THSD7A: variants seen among roughly 807,000 people sequenced by gnomAD.
THSD7A encodes thrombospondin type-1 domain-containing protein 7A.
THSD7A carries 96 observed loss-of-function variants against 231.3 expected under a neutral mutation model. The observed-to-expected ratio is 0.41, with a 90% CI of 0.35 to 0.49. The LOEUF is 0.49. Among genes scored for constraint, THSD7A ranks in the 20% least tolerant of loss-of-function variants. The pLI is 0.05. For synonymous variants in THSD7A, 940 were observed against 743.3 expected (o/e 1.26, Z -4.30); for missense variants, 2,290 against 2,070.2 (o/e 1.11, Z -2.06).
At chr7:11,543,636 C>T (rs1236853844) in intron 4 of THSD7A, among the ~76,000 whole-genome samples, 1 of 152,166 alleles carries the variant, frequency 6.6e-6, no homozygotes, top group Non-Finnish European at 1.5e-5. Context: ...GGGGGCTACT[C>T]TCTGTACCCC....
chr7:11,728,562 G>C (rs1027602204), intron 1 of THSD7A, among the ~76,000 whole-genome samples: 2 of 151,856 alleles, frequency 1.3e-5, no homozygotes, highest in African/African-American at 4.8e-5. Flanking sequence ...TTATGGGGTA[G>C]AAGACAATGA....
At chr7:11,625,378 G>A (rs1781443115) in intron 2 of THSD7A, among the ~76,000 whole-genome samples, 1 of 152,020 alleles carries the variant, frequency 6.6e-6, no homozygotes. Flanking sequence ...ATTAAGCACA[G>A]CAGTATTTTG....
chr7:11,636,027 T>C lies in THSD7A; in HGVS notation c.1022+103A>G, dbSNP rs1781828066. The C allele has an allele frequency of 9.1e-7, 1 of 1,103,248 alleles. No homozygotes were observed. Among genetic ancestry groups the C allele is most frequent in the East Asian group, 2.4e-5 (1 of 41,436 alleles). 68.3% of individuals were successfully genotyped at this position (1,103,248 alleles called of 1,614,324 possible). A position where few individuals can be genotyped will look rare whatever the true frequency, so the allele number is the denominator to read the frequency against. ...TTTGGGGGTAGCTCATCCTAGGTTGTGCCCCTACGTAATCCAGAAGTTATT... is the reference window on the plus strand; with the variant it reads ...TTTGGGGGTAGCTCATCCTAGGTTGCGCCCCTACGTAATCCAGAAGTTATT... On this transcript the variant is annotated intron_variant, in intron 2 of 27. Transcript: ENST00000423059. This position sits in a 1 kb window ranked among gnomAD's most constrained non-coding sequence, Gnocchi z 10.0.
chr7:11,578,187 C>G (rs1791003104), intron 4 of THSD7A, among the ~76,000 whole-genome samples: 1 of 152,090 alleles, frequency 6.6e-6, no homozygotes, highest in Admixed American at 6.5e-5. Context: ...AAAAAATTCC[C>G]TTTTCTCAAT....
intron 1 of THSD7A, among the ~76,000 whole-genome samples, chr7:11,698,379 T>A (rs1780467070): frequency 6.6e-6 from 1 of 151,358 alleles, no homozygotes; most frequent in Admixed American, 6.6e-5. Context: ...ATACGGTATT[T>A]CATTTCAGCT....
intron 11 of THSD7A, among the ~76,000 whole-genome samples, chr7:11,456,945 T>G (rs1269054008): frequency 6.6e-6 from 1 of 152,092 alleles, no homozygotes; most frequent in African/African-American, 2.4e-5. Context: ...CATGATATTA[T>G]TCAAGTGGGA....
intron 25 of THSD7A, 71 bp from the exon 26 acceptor site, chr7:11,379,351 A>C (rs1782416240): frequency 3.4e-6 from 5 of 1,476,876 alleles, no homozygotes; most frequent in African/African-American, 1.4e-5. Context: ...CCTGACTTGA[A>C]GAGAAGGCTT....
At chr7:11,511,189 T>A (rs914167705) in intron 6 of THSD7A, among the ~76,000 whole-genome samples, 1 of 151,998 alleles carries the variant, frequency 6.6e-6, no homozygotes, top group African/African-American at 2.4e-5. Context: ...CACAATTGCT[T>A]CAAAGAGAAT....
At chr7:11,708,811 T>C (rs1807972392) in intron 1 of THSD7A, among the ~76,000 whole-genome samples, 1 of 150,832 alleles carries the variant, frequency 6.6e-6, no homozygotes, top group African/African-American at 2.4e-5. Context: ...ATAGTTATTA[T>C]AGACCAATAT....
intron 22 of THSD7A, among the ~76,000 whole-genome samples, chr7:11,405,900 G>A (rs536372369): frequency 2.6e-5 from 4 of 152,190 alleles, no homozygotes; most frequent in African/African-American, 9.6e-5. Flanking sequence ...GTTATTATGA[G>A]GACTTAATCT....
chr7:11,624,494 T>A (rs1781417307), intron 2 of THSD7A, among the ~76,000 whole-genome samples: 1 of 152,156 alleles, frequency 6.6e-6, no homozygotes, highest in African/African-American at 2.4e-5. Context: ...TCAGATTTTT[T>A]AAAAATGAGG....
At position 11,831,975 on chromosome 7, in the gene THSD7A, G is replaced by T; in HGVS notation, c.-29C>A. On this transcript the variant is annotated 5_prime_UTR_variant, in exon 1 of 28. Transcript: ENST00000423059. The surrounding 1 kb of genome is among the most constrained non-coding windows in gnomAD (Gnocchi z 5.0). ...GCCTGCAGCCACTCCAGGGTCCAGAGCCGTAGCACGCTCGGCAGGGAATTT... is the reference window on the plus strand; with the variant it reads ...GCCTGCAGCCACTCCAGGGTCCAGATCCGTAGCACGCTCGGCAGGGAATTT... The T allele has an allele frequency of 8.2e-7, 1 of 1,218,972 alleles. No homozygotes were observed. The highest frequency in any genetic ancestry group is 1.0e-6 in the Non-Finnish European group (1 of 979,378). The allele number at this position is 1,218,972 out of a possible 1,614,324, so 75.5% of individuals were successfully genotyped here. A position where few individuals can be genotyped will look rare whatever the true frequency, so the allele number is the denominator to read the frequency against.
chr7:11,564,223 C>T (rs1289856389), intron 4 of THSD7A, among the ~76,000 whole-genome samples: 2 of 152,172 alleles, frequency 1.3e-5, no homozygotes, highest in African/African-American at 2.4e-5. Flanking sequence ...TTCTCCTCAG[C>T]TTTATATTCT....
At chr7:11,798,046 G>A (rs1485054362) in intron 1 of THSD7A, among the ~76,000 whole-genome samples, 1 of 151,968 alleles carries the variant, frequency 6.6e-6, no homozygotes, top group East Asian at 1.9e-4. Context: ...GTCAAGGCAG[G>A]GCAAAGGCAC....
intron 2 of THSD7A, among the ~76,000 whole-genome samples, chr7:11,628,280 C>T (rs576559140): frequency 6.6e-6 from 1 of 152,314 alleles, no homozygotes; most frequent in South Asian, 2.1e-4. Flanking sequence ...CTCCATTTCT[C>T]TTCTAGGCTA....
intron 5 of THSD7A, among the ~76,000 whole-genome samples, chr7:11,541,918 A>G (rs1789166901): frequency 7.2e-6 from 1 of 139,322 alleles, no homozygotes; most frequent in South Asian, 2.4e-4. Flanking sequence ...TCTCCCTTGT[A>G]GGGCGTAGAG....
At position 11,393,812 on chromosome 7, in the gene THSD7A, G is replaced by A. The variant is rs370549454; in HGVS notation, c.4411+7983C>T. ...GAAATAAAGTGAGAAGACAAGATTAGAGAGAAAAGAATAAAAAGGAACAAA... is the reference window on the plus strand; with the variant it reads ...GAAATAAAGTGAGAAGACAAGATTAAAGAGAAAAGAATAAAAAGGAACAAA... On this transcript the variant is annotated intron_variant, in intron 23 of 27. Transcript: ENST00000423059. Among the ~76,000 whole-genome samples, 274 of 152,326 alleles carry A rather than the reference G, an allele frequency of 1.8e-3. 1 individual carries two copies. The highest frequency in any genetic ancestry group is 0.01 in the Middle Eastern group (3 of 294).
chr7:11,769,386 T>C (rs1009199287), intron 1 of THSD7A, among the ~76,000 whole-genome samples: 7 of 151,680 alleles, frequency 4.6e-5, no homozygotes, highest in African/African-American at 1.5e-4. Context: ...AATAGTTAAT[T>C]ATTAAATCAT....
intron 11 of THSD7A, among the ~76,000 whole-genome samples, chr7:11,458,755 G>A (rs566432980): frequency 6.6e-5 from 10 of 152,288 alleles, no homozygotes; most frequent in African/African-American, 2.2e-4. Flanking sequence ...CCAGGATGAA[G>A]AACGAACAGT....
Sources: gnomAD v4.1 joint callset for allele counts (sites outside exome capture counted in the v4.1 genomes callset) on GRCh38, gnomAD v4.1.1 for gene constraint, Gnocchi (gnomAD v3.1) non-coding constraint, MANE v1.5 for transcripts, NCBI Gene and HGNC (gene_info 2026-07-23, HGNC 2026-07-21) for gene names.